SHTN1: variants seen among roughly 807,000 people sequenced by gnomAD.
The protein encoded by SHTN1 is shootin 1.
Under a neutral mutation model 83.1 loss-of-function variants are expected in SHTN1, and 42 were observed. That is an observed-to-expected ratio of 0.51 (90% CI 0.39 to 0.65). SHTN1 has a LOEUF of 0.65. SHTN1 is among the 30% of genes least tolerant of loss of function. The pLI is 0.00. For missense variants in SHTN1, 622 were observed against 737.8 expected (o/e 0.84, Z 1.82); for synonymous variants, 224 against 247.7 (o/e 0.90, Z 0.90).
At chr10:117,046,587 G>A (rs942796673) in intron 2 of SHTN1, among the ~76,000 whole-genome samples, 1 of 152,240 alleles carries the variant, frequency 6.6e-6, no homozygotes, top group East Asian at 1.9e-4. Context: ...TAGTAGTATT[G>A]TTCATAAGAG....
At chr10:116,963,846 TA>T (rs1241132893) in intron 3 of SHTN1, among the ~76,000 whole-genome samples, 1 of 152,186 alleles carries the variant, frequency 6.6e-6, no homozygotes, top group Admixed American at 6.5e-5. Context: ...AAGTATAACA[TA>T]AAAGTACATC....
rs184295937 is a variant in SHTN1 at position 117,103,826 on chromosome 10, G to A, written c.-189+22481C>T. On this transcript the variant is annotated intron_variant, in intron 1 of 17. Coordinates refer to the SHTN1 transcript ENST00000392901. ...GCTGGGATTACAGGTGTGAGCCACC[G>A]CACACGGCCAATGTTTTCTTTTTTT... 7.5e-4 allele frequency among the ~76,000 whole-genome samples: 114 copies of A among 152,172 alleles called. No homozygotes were observed. In the East Asian group the frequency reaches 8.9e-3, roughly 12 times the overall value.
chr10:116,989,819 G>A (rs945207953), intron 1 of SHTN1, among the ~76,000 whole-genome samples: 2 of 152,212 alleles, frequency 1.3e-5, no homozygotes, highest in South Asian at 4.1e-4. Context: ...TGCATTGCAT[G>A]TGTTAATAAA....
At chr10:116,928,552 C>T (rs922330199) in intron 10 of SHTN1, among the ~76,000 whole-genome samples, 1 of 152,172 alleles carries the variant, frequency 6.6e-6, no homozygotes, top group Non-Finnish European at 1.5e-5. Flanking sequence ...AAGAACTGAA[C>T]TTAAGTTGAT....
intron 1 of SHTN1, among the ~76,000 whole-genome samples, chr10:117,002,242 T>G (rs1033989854): frequency 6.6e-5 from 10 of 152,220 alleles, no homozygotes; most frequent in Admixed American, 3.3e-4. Flanking sequence ...ATTGTACATT[T>G]ATTCATATGA....
At chr10:116,895,923 A>G (rs1206493574) in intron 16 of SHTN1, among the ~76,000 whole-genome samples, 2 of 152,202 alleles carry the variant, frequency 1.3e-5, no homozygotes, top group Non-Finnish European at 2.9e-5. Flanking sequence ...CACCTTGCTT[A>G]ATATTAGTGA....
rs562813438 is a variant in SHTN1 at position 117,014,334 on chromosome 10, T to G, written c.-123+34111A>C. 2.6e-5 allele frequency among the ~76,000 whole-genome samples: 4 copies of G among 152,258 alleles called. No homozygotes were observed. In the East Asian group the frequency reaches 7.7e-4, roughly 29 times the overall value. ...CAGCCAAGATAGGGAAATCCCAGGA[T>G]AGAATGCAGAAAATGACAAATAAAT... On this transcript the variant is annotated intron_variant, in intron 2 of 17. Coordinates refer to the SHTN1 transcript ENST00000392901.
Position 116,927,656 on chromosome 10 carries a change from A to C in SHTN1, c.1112+136T>G. The C allele has an allele frequency of 3.3e-6, 4 of 1,200,006 alleles. No homozygotes were observed. The South Asian group carries it at 8.1e-5, about 24-fold the overall frequency. 74.3% of individuals were successfully genotyped at this position (1,200,006 alleles called of 1,614,324 possible). A position where few individuals can be genotyped will look rare whatever the true frequency, so the allele number is the denominator to read the frequency against. On this transcript the variant is annotated intron_variant, in intron 11 of 16. Coordinates refer to ENST00000355371, the MANE Select transcript of SHTN1 (RefSeq NM_001127211.3). ...ATTTGGGTGGGGACACAACCAAACCATATCACTGGCCTTTAGAAAAATTTC... is the reference window on the plus strand; with the variant it reads ...ATTTGGGTGGGGACACAACCAAACCCTATCACTGGCCTTTAGAAAAATTTC...
At chr10:116,901,726 T>C in intron 16 of SHTN1, 39 bp downstream of exon 16, 1 of 1,481,338 alleles carries the variant, frequency 6.8e-7, no homozygotes, top group Non-Finnish European at 8.9e-7. Context: ...CATTACAGAT[T>C]CTTCTATACA....
At chr10:116,942,282 G>A (rs924855706) in intron 8 of SHTN1, among the ~76,000 whole-genome samples, 3 of 151,234 alleles carry the variant, frequency 2.0e-5, no homozygotes, top group African/African-American at 7.3e-5. Context: ...GCACAATCTC[G>A]GCTCACTGCA....
At chr10:116,898,057 G>A (rs1378129067) in intron 16 of SHTN1, among the ~76,000 whole-genome samples, 1 of 152,168 alleles carries the variant, frequency 6.6e-6, no homozygotes, top group Non-Finnish European at 1.5e-5. Context: ...GCTGAGCGTG[G>A]TGGCTCATCC....
At chr10:116,901,243 ACAAT>A (rs1847723060) in intron 16 of SHTN1, 1 of 985,176 alleles carries the variant, frequency 1.0e-6, no homozygotes, top group Non-Finnish European at 1.2e-6. Flanking sequence ...TAACTCTTTG[ACAAT>A]CAAAGTGCCA....
intron 1 of SHTN1, among the ~76,000 whole-genome samples, chr10:117,059,989 T>A (rs1424963548): frequency 6.6e-6 from 1 of 152,114 alleles, no homozygotes; most frequent in Admixed American, 6.5e-5. Flanking sequence ...CGTGGGAGGA[T>A]CTCTTGAGGC....
At chr10:117,016,687 G>T (rs540885043) in intron 2 of SHTN1, among the ~76,000 whole-genome samples, 2 of 137,408 alleles carry the variant, frequency 1.5e-5, no homozygotes, top group African/African-American at 5.5e-5. Context: ...GATTACAGGC[G>T]TGAGCCATCG....
chr10:117,012,350 C>A (rs1852119509), intron 2 of SHTN1, among the ~76,000 whole-genome samples: 1 of 152,054 alleles, frequency 6.6e-6, no homozygotes, highest in Non-Finnish European at 1.5e-5. Flanking sequence ...ACTCACGCTA[C>A]CTGATTTCCA....
At chr10:116,936,603 G>A (rs1011256465) in intron 9 of SHTN1, among the ~76,000 whole-genome samples, 2 of 152,252 alleles carry the variant, frequency 1.3e-5, no homozygotes, top group African/African-American at 4.8e-5. Flanking sequence ...GTCAATTTTA[G>A]AATAAGTACG....
chr10:117,054,123 T>C (rs1852790588), intron 1 of SHTN1, among the ~76,000 whole-genome samples: 1 of 152,156 alleles, frequency 6.6e-6, no homozygotes, highest in African/African-American at 2.4e-5. Context: ...GATCCCTGCT[T>C]AGCCAGGGAA....
intron 2 of SHTN1, among the ~76,000 whole-genome samples, chr10:117,014,114 AGATCAT>A (rs113515309): frequency 9.8e-4 from 150 of 152,304 alleles, no homozygotes; most frequent in Middle Eastern, 3.4e-3. Flanking sequence ...AATAAGAAAC[AGATCAT>A]GGCTACCAGG....
intron 2 of SHTN1, among the ~76,000 whole-genome samples, chr10:117,022,198 C>G (rs531646268): frequency 1.4e-4 from 22 of 152,206 alleles, no homozygotes; most frequent in Admixed American, 5.2e-4. Flanking sequence ...ATAAAAGGAA[C>G]AAACTACTTA....
Sources: gnomAD v4.1 joint callset for allele counts (sites outside exome capture counted in the v4.1 genomes callset) on GRCh38, gnomAD v4.1.1 for gene constraint, MANE v1.5 for transcripts, NCBI Gene and HGNC (gene_info 2026-07-23, HGNC 2026-07-21) for gene names.